The following PDE4D variants were observed in gnomAD, a reference collection of about 807,000 sequenced individuals.
PDE4D encodes 3',5'-cyclic-AMP phosphodiesterase 4D.
PDE4D carries 24 observed loss-of-function variants against 87.4 expected under a neutral mutation model. The ratio of observed to expected loss-of-function variants is 0.27; its 90% CI spans 0.20 to 0.39. The LOEUF is 0.39. PDE4D is among the 10% of genes least tolerant of loss of function. The pLI is 1.00. For synonymous variants in PDE4D, 384 were observed against 383.2 expected (o/e 1.00, Z -0.02); for missense variants, 714 against 1,041.0 (o/e 0.69, Z 4.32).
chr5:59,291,437 C>T (rs1175551409), intron 1 of PDE4D, among the ~76,000 whole-genome samples: 6 of 151,454 alleles, frequency 4.0e-5, no homozygotes, highest in African/African-American at 9.7e-5. Flanking sequence ...GGTAGGGTAG[C>T]GTGGAGGGAA....
chr5:59,545,467 T>C (rs541585448), intron 1 of PDE4D, among the ~76,000 whole-genome samples: 73 of 152,318 alleles, frequency 4.8e-4, no homozygotes, highest in Middle Eastern at 6.8e-3. Flanking sequence ...GAAATACTTG[T>C]TTACAGAATT....
Position 59,893,178 on chromosome 5 carries a change from C to T in PDE4D, c.445G>A (p.Gly149Arg). The change falls in exon 1 of 15, where the codon GGA becomes AGA. Residue 149 changes from glycine to arginine, a missense_variant. Gly to Arg is a moderately radical substitution (Grantham distance 125, BLOSUM62 -2). Transcript: ENST00000340635. ...SRMSWPSSFQ[G>R]LRRFDVDNGT... ...GCGCTCTCCACTCACCGCCTGAGTC[C>T]CTGGAACGAGGAGGGCCAGGACATC... The T allele has an allele frequency of 6.4e-7, 1 of 1,562,216 alleles. No homozygotes were observed. Among genetic ancestry groups the T allele is most frequent in the Non-Finnish European group, 8.7e-7 (1 of 1,153,350 alleles).
intron 1 of PDE4D, among the ~76,000 whole-genome samples, chr5:59,576,778 A>G (rs1823232769): frequency 6.6e-6 from 1 of 152,180 alleles, no homozygotes; most frequent in Non-Finnish European, 1.5e-5. Context: ...GCAACTTAGC[A>G]TTCAACCTCT....
rs553064954 is a variant in PDE4D, at chr5:59,364,510, C to T, written c.456-148542G>A. Among the ~76,000 whole-genome samples the T allele has an allele frequency of 9.2e-5, 14 of 152,222 alleles. No homozygotes were observed. In the South Asian group the frequency reaches 1.9e-3, roughly 20 times the overall value. ...CAGCAAAATTCTGAGTTAAATTTGA[C>T]GTGTTTTTGTTTGATATATATGCTA... is the stretch of plus-strand genomic sequence containing the variant. On this transcript the variant is annotated intron_variant, in intron 1 of 14. Transcript: ENST00000340635.
At chr5:59,804,758 T>G (rs145069238) in intron 1 of PDE4D, among the ~76,000 whole-genome samples, 2 of 152,300 alleles carry the variant, frequency 1.3e-5, no homozygotes, top group Admixed American at 1.3e-4. Context: ...TAGTGATTAT[T>G]CTGGGTGTGC....
intron 4 of PDE4D, among the ~76,000 whole-genome samples, chr5:59,183,742 T>C (rs1009466484): frequency 1.3e-5 from 2 of 152,180 alleles, no homozygotes; most frequent in African/African-American, 4.8e-5. Flanking sequence ...GAAAACGTGA[T>C]TGGTAATGAA....
At chr5:59,478,685 A>G (rs1418503394) in intron 1 of PDE4D, among the ~76,000 whole-genome samples, 1 of 152,080 alleles carries the variant, frequency 6.6e-6, no homozygotes, top group East Asian at 1.9e-4. Context: ...TATGTTCACC[A>G]ATTTCAATTA....
intron 1 of PDE4D, among the ~76,000 whole-genome samples, chr5:60,262,836 G>T (rs1312738524): frequency 1.3e-5 from 2 of 152,180 alleles, no homozygotes; most frequent in Non-Finnish European, 2.9e-5. Flanking sequence ...TAGGGGAAGG[G>T]TTAGGGAGAA....
exon 3 of PDE4D, chr5:59,988,637 A>T: frequency 6.3e-7 from 1 of 1,599,362 alleles, no homozygotes; most frequent in Non-Finnish European, 8.5e-7. Context: ...TGCGACATGA[A>T]AGTCTCCGGA....
chr5:59,419,038 G>A (rs1393868059), intron 1 of PDE4D, among the ~76,000 whole-genome samples: 1 of 152,266 alleles, frequency 6.6e-6, no homozygotes, highest in Non-Finnish European at 1.5e-5. Context: ...GATAGTCAAA[G>A]GAAACAATAT....
chr5:59,923,854 C>A (rs994478448), intron 3 of PDE4D, among the ~76,000 whole-genome samples: 7 of 152,136 alleles, frequency 4.6e-5, no homozygotes, highest in African/African-American at 1.7e-4. Flanking sequence ...ATCAAGACCA[C>A]CAAGGAAAAC....
intron 1 of PDE4D, among the ~76,000 whole-genome samples, chr5:59,531,212 C>T (rs904995047): frequency 6.6e-6 from 1 of 152,164 alleles, no homozygotes; most frequent in African/African-American, 2.4e-5. Flanking sequence ...TCTAGTCAGG[C>T]TGATCATTGT....
intron 1 of PDE4D, among the ~76,000 whole-genome samples, chr5:59,643,181 A>G (rs1438547703): frequency 2.6e-5 from 4 of 152,196 alleles, no homozygotes; most frequent in Non-Finnish European, 5.9e-5. Flanking sequence ...CCCAGTGTAC[A>G]TGCTGGAGAG....
intron 1 of PDE4D, among the ~76,000 whole-genome samples, chr5:59,586,014 A>C (rs1286695176): frequency 3.3e-5 from 5 of 152,220 alleles, no homozygotes; most frequent in Non-Finnish European, 7.3e-5. Context: ...AACAAAAAAC[A>C]AACCCTAAGC....
chr5:59,538,666 A>G (rs1285341591), intron 1 of PDE4D, among the ~76,000 whole-genome samples: 2 of 151,512 alleles, frequency 1.3e-5, no homozygotes, highest in African/African-American at 4.9e-5. Flanking sequence ...TCCCCAATAC[A>G]CTCTCTACAG....
chr5:60,421,451 C>G (rs979506659), intron 1 of PDE4D, among the ~76,000 whole-genome samples: 1 of 152,174 alleles, frequency 6.6e-6, no homozygotes, highest in Non-Finnish European at 1.5e-5. Flanking sequence ...GCTGAGGGAC[C>G]TGACTGTTAG....
intron 1 of PDE4D, among the ~76,000 whole-genome samples, chr5:59,683,230 T>C (rs955817706): frequency 1.3e-5 from 2 of 152,238 alleles, no homozygotes; most frequent in Admixed American, 6.5e-5. Flanking sequence ...GATACATAGA[T>C]GATTAGATAG....
At chr5:59,184,292 T>C (rs1742372885) in intron 4 of PDE4D, among the ~76,000 whole-genome samples, 1 of 152,178 alleles carries the variant, frequency 6.6e-6, no homozygotes, top group Non-Finnish European at 1.5e-5. Flanking sequence ...TCACAAGAAG[T>C]ACTTGAATAA....
intron 1 of PDE4D, among the ~76,000 whole-genome samples, chr5:59,596,026 T>A (rs913284507): frequency 1.3e-4 from 20 of 151,230 alleles, no homozygotes; most frequent in African/African-American, 3.1e-4. Context: ...ATATATATAT[T>A]TTTGCAGTGT....
Sources: gnomAD v4.1 joint callset for allele counts (sites outside exome capture counted in the v4.1 genomes callset) on GRCh38, gnomAD v4.1.1 for gene constraint, MANE v1.5 for transcripts, NCBI Gene and HGNC (gene_info 2026-07-23, HGNC 2026-07-21) for gene names.